The following TLK2 variants were observed in gnomAD, a reference collection of about 807,000 sequenced individuals.
TLK2 encodes the protein serine/threonine-protein kinase tousled-like 2.
A neutral mutation model predicts 117.3 loss-of-function variants in TLK2; 6 were observed. The observed-to-expected ratio is 0.05, with a 90% CI of 0.03 to 0.10. TLK2 has a LOEUF of 0.10. TLK2 is among the 10% of genes least tolerant of loss of function. The probability of loss-of-function intolerance (pLI) is 1.00; values close to 1 mark genes in which losing one functional copy is unlikely to be tolerated. For missense variants in TLK2, 299 were observed against 901.2 expected (o/e 0.33, Z 8.56); for synonymous variants, 257 against 316.7 (o/e 0.81, Z 2.00).
At chr17:62,541,306 T>TTTGTTCACTTGTGTATCTCTA in intron 7 of TLK2, among the ~76,000 whole-genome samples, 1 of 152,324 alleles carries the variant, frequency 6.6e-6, no homozygotes, top group African/African-American at 2.4e-5. Context: ...AGGACTTTGC[T>TTTGTTCACTTGTGTATCTCTA]TTGTTCACTT....
chr17:62,507,513 C>T (rs2074799673), intron 2 of TLK2: 1 of 152,082 alleles, frequency 6.6e-6, no homozygotes, highest in Non-Finnish European at 1.5e-5. Flanking sequence ...ATGGCGTTAT[C>T]TTCTTTACTG....
rs151053311 is a variant in TLK2 at position 62,556,518 on chromosome 17, C to T, written c.720+2763C>T. Among the ~76,000 whole-genome samples the T allele has an allele frequency of 5.2e-3, 796 of 152,308 alleles. 5 individuals carry two copies. Among genetic ancestry groups the T allele is most frequent in the African/African-American group, 0.018 (758 of 41,572 alleles). ...TCCCGTGGAAAGACAACACTGTGTG[C>T]AGGATTTTTGTGTCATAACCCCTTG... On this transcript the variant is annotated intron_variant, in intron 9 of 21. Coordinates refer to ENST00000346027, the MANE Select transcript of TLK2 (RefSeq NM_006852.6).
At chr17:62,542,208 T>G (rs563006011) in intron 7 of TLK2, among the ~76,000 whole-genome samples, 215 of 152,340 alleles carry the variant, frequency 1.4e-3, no homozygotes, top group Non-Finnish European at 2.6e-3. Context: ...CTCAGAGAGA[T>G]AACTACTGTT....
At chr17:62,511,435 A>G (rs564339157) in intron 2 of TLK2, among the ~76,000 whole-genome samples, 7 of 152,270 alleles carry the variant, frequency 4.6e-5, no homozygotes, top group South Asian at 2.1e-4. Context: ...CAGTGGTGCA[A>G]TCTTAGCTCA....
chr17:62,586,069 G>C (rs1449806578), intron 15 of TLK2, 66 bp from the exon 16 acceptor site: 1 of 1,201,690 alleles, frequency 8.3e-7, no homozygotes, highest in Non-Finnish European at 1.2e-6. Context: ...TTAAATTAAA[G>C]CTTCACATCA....
At chr17:62,490,279 T>A (rs988215062) in intron 2 of TLK2, among the ~76,000 whole-genome samples, 1 of 152,268 alleles carries the variant, frequency 6.6e-6, no homozygotes, top group African/African-American at 2.4e-5. Context: ...TTTTGTTTTC[T>A]TATCTAAATA....
At chr17:62,544,299 A>G (rs1447233693) in intron 7 of TLK2, among the ~76,000 whole-genome samples, 2 of 152,192 alleles carry the variant, frequency 1.3e-5, no homozygotes, top group Non-Finnish European at 2.9e-5. Flanking sequence ...AGGAAGCATG[A>G]CTGGGAGGCC....
In TLK2 at chr17:62,479,206, A is replaced by AG. The variant is rs1251758267; in HGVS notation, c.-85dup. The AG allele has an allele frequency of 6.6e-6, 1 of 152,312 alleles. No homozygotes were observed. The highest frequency in any genetic ancestry group is 1.5e-5 in the Non-Finnish European group (1 of 68,178). 9.4% of individuals were successfully genotyped at this position (152,312 alleles called of 1,614,324 possible). A position where few individuals can be genotyped will look rare whatever the true frequency, so the allele number is the denominator to read the frequency against. ...CCCCGGCTCCGCCCCGGGCCTGCCC[A>AG]GGGGGAGAGCGGAGCGGTCCGCAGC... is the stretch of plus-strand genomic sequence containing the variant. On this transcript the variant is annotated 5_prime_UTR_variant, in exon 1 of 22. Coordinates refer to ENST00000346027, the MANE Select transcript of TLK2 (RefSeq NM_006852.6).
intron 2 of TLK2, among the ~76,000 whole-genome samples, chr17:62,519,313 C>G (rs2075863077): frequency 6.6e-6 from 1 of 152,180 alleles, no homozygotes; most frequent in Non-Finnish European, 1.5e-5. Context: ...TGTTGGCACC[C>G]TTGTCAAAAA....
upstream of TLK2, chr17:62,477,817 C>G (rs1211016053): frequency 2.0e-5 from 3 of 152,254 alleles, no homozygotes; most frequent in African/African-American, 7.2e-5. Context: ...CCTCCTTGCC[C>G]GCTAGATAGT....
upstream of TLK2, among the ~76,000 whole-genome samples, chr17:62,478,691 C>A (rs1412818997): frequency 1.4e-5 from 2 of 142,582 alleles, no homozygotes; most frequent in African/African-American, 2.5e-5. Context: ...GGGACCCCCC[C>A]CCACCTTCCT....
chr17:62,561,984 A>T (rs2079318229), intron 10 of TLK2, among the ~76,000 whole-genome samples: 1 of 152,216 alleles, frequency 6.6e-6, no homozygotes, highest in Non-Finnish European at 1.5e-5. Flanking sequence ...TTCCAAAAGA[A>T]CTGAAATTGT....
rs2079092712 is a variant in TLK2 at position 62,559,399 on chromosome 17, GA to G, written c.721-616del. The stretch of plus-strand genomic sequence containing the variant: ...TTTTATTTTTTATTTTTTTTTTTGA[GA>G]TGAAGTCTTACTCTGTCACCTAGGC... On this transcript the variant is annotated intron_variant, in intron 9 of 21. Coordinates refer to ENST00000346027, the MANE Select transcript of TLK2 (RefSeq NM_006852.6). 2.7e-5 allele frequency among the ~76,000 whole-genome samples: 4 copies of G among 147,120 alleles called. No homozygotes were observed. The South Asian group carries it at 8.5e-4, about 31-fold the overall frequency.
At chr17:62,551,814 C>A in intron 7 of TLK2, 2 of 165,370 alleles carry the variant, frequency 1.2e-5, no homozygotes, top group Non-Finnish European at 2.6e-5. Flanking sequence ...TTAGAATGCC[C>A]AGTCAGCAAG....
chr17:62,508,654 T>C (rs996781871), intron 2 of TLK2: 6 of 811,730 alleles, frequency 7.4e-6, no homozygotes, highest in Non-Finnish European at 8.9e-6. Flanking sequence ...GAATTAATAC[T>C]GACGAAATAA....
At chr17:62,509,000 C>T (rs1013538885) in intron 2 of TLK2, among the ~76,000 whole-genome samples, 1 of 152,152 alleles carries the variant, frequency 6.6e-6, no homozygotes, top group Non-Finnish European at 1.5e-5. Context: ...GAATAGACTC[C>T]TGTAACCAAG....
intron 2 of TLK2, among the ~76,000 whole-genome samples, chr17:62,487,236 T>G (rs1385178804): frequency 1.1e-4 from 17 of 148,358 alleles, no homozygotes; most frequent in South Asian, 2.1e-4. Context: ...AGGTTGCAGT[T>G]AGCCGAGATC....
intron 14 of TLK2, among the ~76,000 whole-genome samples, 163 bp downstream of exon 14, chr17:62,578,737 T>C (rs1389856247): frequency 6.6e-6 from 1 of 152,220 alleles, no homozygotes; most frequent in Non-Finnish European, 1.5e-5. Flanking sequence ...AACAAAATTA[T>C]GATTTGCCTT....
At position 62,607,030 on chromosome 17, in the gene TLK2, T is replaced by TTC. The variant is rs1555665540; in HGVS notation, c.1971+789_1971+790insTC. Among the ~76,000 whole-genome samples, 10 of 150,668 alleles carry TTC rather than the reference T, an allele frequency of 6.6e-5. 1 individual carries two copies. Among genetic ancestry groups the TTC allele is most frequent in the South Asian group, 2.1e-4 (1 of 4,736 alleles). On this transcript the variant is annotated intron_variant, in intron 20 of 21. Transcript: ENST00000346027. ...CCTTGGTCTTTTTTTTTTTTTTTTT[T>TTC]CTATCTCACCTCTCTAAAACAGGGA...
Sources: gnomAD v4.1 joint callset for allele counts (sites outside exome capture counted in the v4.1 genomes callset) on GRCh38, gnomAD v4.1.1 for gene constraint, MANE v1.5 for transcripts, NCBI Gene and HGNC (gene_info 2026-07-23, HGNC 2026-07-21) for gene names.